Variants in MAP3K4 observed in about 807,000 individuals in gnomAD.
The protein encoded by MAP3K4 is MAP three kinase 1.
In MAP3K4, 67 loss-of-function variants were observed where a neutral mutation model predicts 185.6. That is an observed-to-expected ratio of 0.36 (90% confidence interval 0.30 to 0.44). The LOEUF (loss-of-function observed/expected upper bound fraction) is 0.44, where lower values mean the gene tolerates loss of function less well. Ranked by LOEUF, MAP3K4 falls within the 20% of genes least tolerant of loss-of-function variation. MAP3K4 has a pLI of 1.00. For missense variants in MAP3K4, 1,551 were observed against 1,995.1 expected, an observed-to-expected ratio of 0.78 and a Z score of 4.24; for synonymous variants, 702 against 710.4, an observed-to-expected ratio of 0.99 and a Z score of 0.19.
chr6:161,096,994 A>G lies in MAP3K4; in HGVS notation c.3428-86A>G, dbSNP rs900045886. ...TTGGTCATTGGCCAGAATAAGTGACATTCTATTTTCCATTTGACTGTTTGG... is the reference window on the plus strand; with the variant it reads ...TTGGTCATTGGCCAGAATAAGTGACGTTCTATTTTCCATTTGACTGTTTGG... On this transcript the variant is annotated intron_variant, in intron 15 of 26. Transcript: ENST00000392142. This position sits in a 1 kb window ranked among gnomAD's most constrained non-coding sequence, Gnocchi z 4.9. 9.2e-7 allele frequency: 1 copy of G among 1,087,432 alleles called. No individual in the cohort carries two copies. Among genetic ancestry groups the G allele is most frequent in the African/African-American group, 1.5e-5 (1 of 65,168 alleles). 67.4% of individuals were successfully genotyped at this position (1,087,432 alleles called of 1,614,324 possible). A position where few individuals can be genotyped will look rare whatever the true frequency, so the allele number is the denominator to read the frequency against.
At position 161,087,479 on chromosome 6, in the gene MAP3K4, C is replaced by T. The variant is rs1394511499; in HGVS notation, c.2557-209C>T. ...CAATAATCGGGGAGACTCTGTAAGGCCTCTCCTCCAGTGCGTTCACAGACT... is the reference window on the plus strand; with the variant it reads ...CAATAATCGGGGAGACTCTGTAAGGTCTCTCCTCCAGTGCGTTCACAGACT... On this transcript the variant is annotated intron_variant, in intron 9 of 26. Coordinates refer to ENST00000392142, the MANE Select transcript of MAP3K4 (RefSeq NM_005922.4). The surrounding 1 kb of genome is among the most constrained non-coding windows in gnomAD (Gnocchi z 4.9). Among the ~76,000 whole-genome samples the T allele has an allele frequency of 6.6e-6, 1 of 152,212 alleles. No individual in the cohort carries two copies. Among genetic ancestry groups the T allele is most frequent in the South Asian group, 2.1e-4 (1 of 4,826 alleles).
chr6:161,078,138 G>T (rs73784747), intron 5 of MAP3K4, among the ~76,000 whole-genome samples: 3,232 of 152,272 alleles, frequency 0.021, 93 homozygotes, highest in African/African-American at 0.07. Context: ...GGTATTGGCA[G>T]TTGGAGGAAA....
intron 1 of MAP3K4, among the ~76,000 whole-genome samples, chr6:161,002,526 A>G (rs1046074152): frequency 6.6e-6 from 1 of 151,810 alleles, no homozygotes. Context: ...ATTATGGAAA[A>G]CTATGAATCA....
chr6:161,049,911 C>T lies in MAP3K4; in HGVS notation c.1639C>T (p.His547Tyr). The change falls in exon 3 of 27, where the codon CAC becomes TAC. Residue 547 changes from histidine (H) to tyrosine (Y), a missense_variant. His to Tyr is a moderately conservative substitution (Grantham distance 83). This residue lies in a region of MAP3K4 where 86 missense variants were observed against 81.6 expected (regional missense o/e 1.05). Coordinates refer to ENST00000392142, the MANE Select transcript of MAP3K4 (RefSeq NM_005922.4). This position sits in a 1 kb window ranked among gnomAD's most constrained non-coding sequence, Gnocchi z 8.4. ...GTTAAGAAAGTTAATTTTAAGACTT[C>T]ACAAGCTAATGGATGGTTCCTTGCA... Reference protein sequence around the residue: ...MGLRKLILRLHKLMDGSLQRA... With the variant: ...MGLRKLILRLYKLMDGSLQRA... The T allele has an allele frequency of 1.2e-6, 2 of 1,614,078 alleles. No homozygotes were observed. Among genetic ancestry groups the T allele is most frequent in the South Asian group, 1.1e-5 (1 of 91,070 alleles).
intron 3 of MAP3K4, among the ~76,000 whole-genome samples, chr6:161,057,797 TTGAA>T (rs1784311011): frequency 6.6e-6 from 1 of 152,244 alleles, no homozygotes; most frequent in African/African-American, 2.4e-5. Flanking sequence ...AACTTTGTAA[TTGAA>T]TGACACACTA....
rs1348452169 is a variant in MAP3K4 at position 161,097,632 on chromosome 6, G to C, written c.3524+456G>C. 2.0e-5 allele frequency among the ~76,000 whole-genome samples: 3 copies of C among 152,332 alleles called. No homozygotes were observed. The East Asian group carries it at 5.8e-4, about 29-fold the overall frequency. On this transcript the variant is annotated intron_variant, in intron 16 of 26. Coordinates refer to ENST00000392142, the MANE Select transcript of MAP3K4 (RefSeq NM_005922.4). This position sits in a 1 kb window ranked among gnomAD's most constrained non-coding sequence, Gnocchi z 4.9. ...GCAACTTAAACACTAAGTGAATTCAGAAACTATAGTACATTCACGATAACT... is the reference window on the plus strand; with the variant it reads ...GCAACTTAAACACTAAGTGAATTCACAAACTATAGTACATTCACGATAACT...
At chr6:161,030,112 C>T (rs1310112723) in intron 1 of MAP3K4, among the ~76,000 whole-genome samples, 1 of 152,030 alleles carries the variant, frequency 6.6e-6, no homozygotes, top group Non-Finnish European at 1.5e-5. Flanking sequence ...ATTTTCAGCC[C>T]TTCTTCAGAG....
chr6:161,020,363 A>G (rs1427576426), intron 1 of MAP3K4, among the ~76,000 whole-genome samples: 1 of 151,980 alleles, frequency 6.6e-6, no homozygotes, highest in African/African-American at 2.4e-5. Flanking sequence ...GCACTTTTCT[A>G]AGTAAAGAGT....
At chr6:161,002,681 T>C (rs1781384642) in intron 1 of MAP3K4, among the ~76,000 whole-genome samples, 1 of 134,220 alleles carries the variant, frequency 7.5e-6, no homozygotes, top group African/African-American at 2.8e-5. Context: ...AAGCTCCGCC[T>C]CCTGGGTTCA....
intron 4 of MAP3K4, among the ~76,000 whole-genome samples, chr6:161,072,880 A>G (rs1404668183): frequency 1.3e-5 from 2 of 151,798 alleles, no homozygotes; most frequent in Non-Finnish European, 2.9e-5. Flanking sequence ...TATATTGCAA[A>G]TTTGCCCATT....
In MAP3K4 at chr6:161,076,683, A is replaced by C. The variant is rs561163231; in HGVS notation, c.2097+3071A>C. The stretch of plus-strand genomic sequence containing the variant: ...ATTGAAAATATGAAAATGATAGGCG[A>C]GATGTGGTAGTTGTAGAAGAGACAC... On this transcript the variant is annotated intron_variant, in intron 5 of 26. Coordinates refer to ENST00000392142, the MANE Select transcript of MAP3K4 (RefSeq NM_005922.4). This position sits in a 1 kb window ranked among gnomAD's most constrained non-coding sequence, Gnocchi z 4.2. Among the ~76,000 whole-genome samples the C allele has an allele frequency of 6.6e-6, 1 of 152,218 alleles. No individual in the cohort carries two copies. Among genetic ancestry groups the C allele is most frequent in the South Asian group, 2.1e-4 (1 of 4,828 alleles).
intron 3 of MAP3K4, among the ~76,000 whole-genome samples, chr6:161,058,446 C>G (rs1784338194): frequency 6.6e-6 from 1 of 152,042 alleles, no homozygotes. Flanking sequence ...GTGATAGGAT[C>G]CCAGTATAGA....
chr6:161,011,393 T>G (rs1167058400), intron 1 of MAP3K4, among the ~76,000 whole-genome samples: 1 of 152,158 alleles, frequency 6.6e-6, no homozygotes, highest in Non-Finnish European at 1.5e-5. Flanking sequence ...AGACAGTAGA[T>G]TTTAGGTATT....
Position 161,070,564 on chromosome 6 carries a change from C to G in MAP3K4, c.1708-44C>G. ...TATAACCACAACCGTAGAACGTTGTCTCGTATGCTCTTTTAATCTGTGCCT... is the reference window on the plus strand; with the variant it reads ...TATAACCACAACCGTAGAACGTTGTGTCGTATGCTCTTTTAATCTGTGCCT... On this transcript the variant is annotated intron_variant, in intron 3 of 26. Transcript: ENST00000392142. This position sits in a 1 kb window ranked among gnomAD's most constrained non-coding sequence, Gnocchi z 4.5. 1 of 1,583,826 alleles carries G rather than the reference C, an allele frequency of 6.3e-7. No homozygotes were observed. The highest frequency in any genetic ancestry group is 8.6e-7 in the Non-Finnish European group (1 of 1,162,708).
chr6:161,080,167 C>T lies in MAP3K4; in HGVS notation c.2098-714C>T, dbSNP rs1048638124. On this transcript the variant is annotated intron_variant, in intron 5 of 26. Coordinates refer to ENST00000392142, the MANE Select transcript of MAP3K4 (RefSeq NM_005922.4). The surrounding 1 kb of genome is among the most constrained non-coding windows in gnomAD (Gnocchi z 4.8). ...TGTGTGACTCAAATATCTCCTACCC[C>T]GTCAAGCTATTCTTTTAAGTAAAGG... is the stretch of plus-strand genomic sequence containing the variant. Among the ~76,000 whole-genome samples, 14 of 152,168 alleles carry T rather than the reference C, an allele frequency of 9.2e-5. No homozygotes were observed. The highest frequency in any genetic ancestry group is 3.3e-4 in the Admixed American group (5 of 15,270).
chr6:161,025,769 A>T (rs898417840), intron 1 of MAP3K4, among the ~76,000 whole-genome samples: 1 of 152,222 alleles, frequency 6.6e-6, no homozygotes, highest in Non-Finnish European at 1.5e-5. Flanking sequence ...TCTTGAGTGA[A>T]TTAACCTTTA....
chr6:161,026,356 T>C lies in MAP3K4; in HGVS notation c.153-7903T>C, dbSNP rs369783621. 5.6e-3 allele frequency among the ~76,000 whole-genome samples: 847 copies of C among 152,102 alleles called. 8 individuals are homozygous for C. Among genetic ancestry groups the C allele is most frequent in the African/African-American group, 0.012 (493 of 41,488 alleles). ...TTCACCATGTTAGCCAGGATGGTCT[T>C]GATCTTCTGACCTCGTGATCTGCCC... On this transcript the variant is annotated intron_variant, in intron 1 of 26. Transcript: ENST00000392142.
chr6:161,057,299 C>T lies in MAP3K4; in HGVS notation c.1707+7320C>T, dbSNP rs959262658. ...ACTAGGAAATCAATAACAGCAGCTA[C>T]CATTTATTGACTCTCACAGTGTTCC... On this transcript the variant is annotated intron_variant, in intron 3 of 26. Coordinates refer to ENST00000392142, the MANE Select transcript of MAP3K4 (RefSeq NM_005922.4). 3.3e-5 allele frequency among the ~76,000 whole-genome samples: 5 copies of T among 152,140 alleles called. No individual in the cohort carries two copies. In the South Asian group the frequency reaches 6.2e-4, roughly 19 times the overall value.
At chr6:161,021,585 A>C (rs947961828) in intron 1 of MAP3K4, among the ~76,000 whole-genome samples, 2 of 152,206 alleles carry the variant, frequency 1.3e-5, no homozygotes. Context: ...GTTAGGTCCT[A>C]TCTGCTGGTG....
Sources: allele counts gnomAD v4.1 joint callset (sites outside exome capture counted in the v4.1 genomes callset), GRCh38; gene constraint gnomAD v4.1.1; regional missense constraint gnomAD v4.1.1; non-coding constraint Gnocchi (gnomAD v3.1); transcripts MANE v1.5; gene names NCBI Gene and HGNC (gene_info 2026-07-23, HGNC 2026-07-21).